LNPEP: variants seen among roughly 807,000 people sequenced by gnomAD.
The protein encoded by LNPEP is leucyl-cystinyl aminopeptidase.
LNPEP carries 64 observed loss-of-function variants against 120.6 expected under a neutral mutation model. The observed-to-expected ratio is 0.53, with a 90% CI of 0.43 to 0.65. The LOEUF (loss-of-function observed/expected upper bound fraction) is 0.65. LNPEP is among the 30% of genes least tolerant of loss of function. The pLI, the probability that LNPEP is intolerant of heterozygous loss-of-function variation, is 0.00. For synonymous variants in LNPEP, 435 were observed against 425.4 expected (o/e 1.02, Z -0.28); for missense variants, 1,057 against 1,200.0 (o/e 0.88, Z 1.76).
intron 11 of LNPEP, among the ~76,000 whole-genome samples, chr5:97,008,942 G>T (rs1004033587): frequency 2.6e-5 from 4 of 151,996 alleles, no homozygotes; most frequent in Non-Finnish European, 5.9e-5. Flanking sequence ...GTGAGCCACT[G>T]TGCCCACCCT....
chr5:97,021,837 A>G (rs1318753097), intron 13 of LNPEP, among the ~76,000 whole-genome samples: 1 of 146,810 alleles, frequency 6.8e-6, no homozygotes, highest in Non-Finnish European at 1.5e-5. Flanking sequence ...AATGAGTAAT[A>G]TCTATGCCTT....
At chr5:96,982,991 A>G (rs1044402595) in intron 2 of LNPEP, among the ~76,000 whole-genome samples, 1 of 151,944 alleles carries the variant, frequency 6.6e-6, no homozygotes, top group African/African-American at 2.4e-5. Context: ...TTTATTATAA[A>G]TATTTTTATT....
chr5:96,980,095 T>C (rs1221654876), intron 2 of LNPEP, 117 bp downstream of exon 2: 7 of 930,882 alleles, frequency 7.5e-6, no homozygotes, highest in South Asian at 1.8e-5. Context: ...TAGGAAGTTA[T>C]ATACAAAATA....
At position 96,941,038 on chromosome 5, in the gene LNPEP, C is replaced by G. The variant is rs1409942692; in HGVS notation, c.19+4864C>G. On this transcript the variant is annotated intron_variant, in intron 1 of 17. Coordinates refer to ENST00000231368, the MANE Select transcript of LNPEP (RefSeq NM_005575.3). ...TACAATGAAATAATTATACAACTCA[C>G]CATAATGTAGAATCAGTGGGAGCCC... 2.0e-5 allele frequency among the ~76,000 whole-genome samples: 3 copies of G among 152,104 alleles called. 1 individual carries two copies. Among genetic ancestry groups the G allele is most frequent in the African/African-American group, 4.8e-5 (2 of 41,396 alleles).
At position 96,990,957 on chromosome 5, in the gene LNPEP, A is replaced by G. The variant is rs200254945; in HGVS notation, c.1132-2058A>G. Among the ~76,000 whole-genome samples, 15 of 152,250 alleles carry G rather than the reference A, an allele frequency of 9.9e-5. No individual in the cohort carries two copies. The East Asian group carries it at 2.9e-3, about 29-fold the overall frequency. On this transcript the variant is annotated intron_variant, in intron 4 of 17. Coordinates refer to ENST00000231368, the MANE Select transcript of LNPEP (RefSeq NM_005575.3). The stretch of plus-strand genomic sequence containing the variant: ...TTTGGGGAACAGGTGGTGTTCGGTT[A>G]TATGGATAAGTTCTTTAGTGGTGAT...
At chr5:97,002,088 G>A (rs1444896827) in intron 8 of LNPEP, among the ~76,000 whole-genome samples, 4 of 152,120 alleles carry the variant, frequency 2.6e-5, no homozygotes, top group Non-Finnish European at 5.9e-5. Context: ...GTAGTGAGTG[G>A]AGGTCGCACC....
chr5:97,022,465 G>A lies in LNPEP; in HGVS notation c.2542G>A (p.Ala848Thr), dbSNP rs754468116. 9 of 1,613,426 alleles carry A rather than the reference G, an allele frequency of 5.6e-6. No individual in the cohort carries two copies. The highest frequency in any genetic ancestry group is 7.6e-6 in the Non-Finnish European group (9 of 1,179,536). The change falls in exon 14 of 18, where the codon GCA becomes ACA. Residue 848 changes from alanine (A) to threonine (T), a missense_variant. Coordinates refer to ENST00000231368, the MANE Select transcript of LNPEP (RefSeq NM_005575.3). ...CATGAAACTGTTTGATGACTGGATGGCATCCAATGGAACTCAAAGGTGAAG... is the reference window on the plus strand; with the variant it reads ...CATGAAACTGTTTGATGACTGGATGACATCCAATGGAACTCAAAGGTGAAG... ...TAMKLFDDWM[A>T]SNGTQSLPTD... is the part of the protein sequence containing the mutation.
In LNPEP at chr5:97,035,045, G is replaced by GACATGGATGTACATAATGAA. The variant is rs1487154409; in HGVS notation, c.*6520_*6539dup. 2.0e-5 allele frequency: 3 copies of GACATGGATGTACATAATGAA among 152,034 alleles called. No homozygotes were observed. Among genetic ancestry groups the GACATGGATGTACATAATGAA allele is most frequent in the African/African-American group, 7.2e-5 (3 of 41,394 alleles). 9.4% of individuals were successfully genotyped at this position (152,034 alleles called of 1,614,324 possible). ...AATGTGGTACCCAGTCCTCTGCTGGGACATGGATGTACATAATGAAACATG... is the reference window on the plus strand; with the variant it reads ...AATGTGGTACCCAGTCCTCTGCTGGGACATGGATGTACATAATGAAACATGGATGTACATAATGAAACATG... On this transcript the variant is annotated 3_prime_UTR_variant, in exon 18 of 18. Coordinates refer to ENST00000231368, the MANE Select transcript of LNPEP (RefSeq NM_005575.3).
In LNPEP at chr5:96,986,562, T is replaced by C; in HGVS notation, c.1023T>C (p.Asp341=). 1.9e-6 allele frequency: 3 copies of C among 1,613,584 alleles called. No homozygotes were observed. Among genetic ancestry groups the C allele is most frequent in the African/African-American group, 2.7e-5 (2 of 75,034 alleles). ...AGAAGTCATCAGTCGTTCTAGATGA[T>C]GGACTTGTTCAGGATGAGTTTTCTG... ...MPKKSSVVLD[D]GLVQDEFSES... Residue 341 remains aspartate (D), a synonymous_variant, in exon 4 of 18, where the codon GAT becomes GAC. Transcript: ENST00000231368.
At chr5:96,936,345 GGGC>G (rs1788870029) in intron 1 of LNPEP, 171 bp downstream of exon 1, 11 of 483,936 alleles carry the variant, frequency 2.3e-5, no homozygotes, top group Non-Finnish European at 3.0e-5. Flanking sequence ...GAGGTTCGGG[GGGC>G]GGGCGGCGGC....
chr5:96,971,365 G>A (rs1055767444), intron 1 of LNPEP, among the ~76,000 whole-genome samples: 7 of 151,610 alleles, frequency 4.6e-5, no homozygotes. Flanking sequence ...GTGTGTGTGT[G>A]TGTGTGTGTG....
In LNPEP at chr5:97,036,470, C is replaced by A. The variant is rs1175625856; in HGVS notation, c.*7937C>A. ...TTTGTGTGCATATCATGTATCCAGA[C>A]CTGTATGTTCGCTTTAAGCATTCTT... On this transcript the variant is annotated 3_prime_UTR_variant, in exon 18 of 18. Transcript: ENST00000231368. The A allele has an allele frequency of 7.2e-5, 11 of 152,124 alleles. No individual in the cohort carries two copies. Among genetic ancestry groups the A allele is most frequent in the Admixed American group, 7.2e-4 (11 of 15,260 alleles). 9.4% of individuals were successfully genotyped at this position (152,124 alleles called of 1,614,324 possible). A position where few individuals can be genotyped will look rare whatever the true frequency, so the allele number is the denominator to read the frequency against.
intron 17 of LNPEP, among the ~76,000 whole-genome samples, 182 bp downstream of exon 17, chr5:97,027,996 G>A (rs1363382827): frequency 6.6e-6 from 1 of 152,104 alleles, no homozygotes; most frequent in Non-Finnish European, 1.5e-5. Flanking sequence ...ATATGATAAT[G>A]AGGAAAAAAT....
At chr5:96,969,110 A>G (rs1789798851) in intron 1 of LNPEP, among the ~76,000 whole-genome samples, 2 of 152,162 alleles carry the variant, frequency 1.3e-5, no homozygotes, top group Non-Finnish European at 2.9e-5. Flanking sequence ...AGATACTTCA[A>G]AATGAGGGCT....
At position 96,979,211 on chromosome 5, in the gene LNPEP, C is replaced by T; in HGVS notation, c.93C>T (p.Ala31=). ...FEEEPDVVDL[A]KEPCLHPLEP... is the part of the protein sequence containing the mutation. ...AAGAACCAGATGTGGTGGATTTAGC[C>T]AAAGAGCCTTGTTTACATCCTCTAG... The change falls in exon 2 of 18, where the codon GCC becomes GCT. Residue 31 remains alanine (A), a synonymous_variant. Transcript: ENST00000231368. 4 of 1,613,720 alleles carry T rather than the reference C, an allele frequency of 2.5e-6. No homozygotes were observed. Among genetic ancestry groups the T allele is most frequent in the African/African-American group, 1.3e-5 (1 of 74,952 alleles).
chr5:96,938,725 A>G (rs561403961), intron 1 of LNPEP, among the ~76,000 whole-genome samples: 18 of 152,310 alleles, frequency 1.2e-4, no homozygotes, highest in African/African-American at 4.3e-4. Context: ...TAAAATGCAT[A>G]TCCCTGGAAA....
intron 4 of LNPEP, among the ~76,000 whole-genome samples, chr5:96,988,679 A>G (rs1790302912): frequency 6.6e-6 from 1 of 152,002 alleles, no homozygotes; most frequent in Non-Finnish European, 1.5e-5. Context: ...GTGCAATCAT[A>G]GCTCACCGTA....
Position 96,979,762 on chromosome 5 carries a change from A to G in LNPEP, c.644A>G (p.Asn215Ser). The G allele has an allele frequency of 6.2e-7, 1 of 1,614,060 alleles. No individual in the cohort carries two copies. Among genetic ancestry groups the G allele is most frequent in the Non-Finnish European group, 8.5e-7 (1 of 1,179,932 alleles). ...ATCATTCTTCATAGCACAGGTCATAATATTTCAAGAGTGACCTTTATGTCA... is the reference window on the plus strand; with the variant it reads ...ATCATTCTTCATAGCACAGGTCATAGTATTTCAAGAGTGACCTTTATGTCA... ...WNIILHSTGH[N>S]ISRVTFMSAV... The change falls in exon 2 of 18, where the codon AAT becomes AGT. Residue 215 changes from asparagine (N) to serine (S), a missense_variant. By Grantham distance (46) the Asn-to-Ser change is conservative (BLOSUM62 1). Coordinates refer to ENST00000231368, the MANE Select transcript of LNPEP (RefSeq NM_005575.3).
chr5:96,988,017 T>A (rs1323977703), intron 4 of LNPEP, among the ~76,000 whole-genome samples: 2 of 152,202 alleles, frequency 1.3e-5, no homozygotes, highest in Admixed American at 6.5e-5. Flanking sequence ...CTCTGATCTT[T>A]CATAGCACTT....
Sources: gnomAD v4.1 joint callset for allele counts (sites outside exome capture counted in the v4.1 genomes callset) on GRCh38, gnomAD v4.1.1 for gene constraint, MANE v1.5 for transcripts, NCBI Gene and HGNC (gene_info 2026-07-23, HGNC 2026-07-21) for gene names.